Variants in SPAG9 observed in about 807,000 individuals in gnomAD.
SPAG9 encodes sperm associated antigen 9, also known as C-Jun-amino-terminal kinase-interacting protein 4.
A neutral mutation model predicts 166.5 loss-of-function variants in SPAG9; 35 were observed. The ratio of observed to expected loss-of-function variants is 0.21; its 90% confidence interval spans 0.16 to 0.28. The LOEUF (loss-of-function observed/expected upper bound fraction) is 0.28, where lower values mean the gene tolerates loss of function less well. SPAG9 is among the 10% of genes least tolerant of loss of function. The probability of loss-of-function intolerance (pLI) is 1.00; values close to 1 mark genes in which losing one functional copy is unlikely to be tolerated. For missense variants in SPAG9, 1,235 were observed against 1,603.3 expected (o/e 0.77, Z 3.92); for synonymous variants, 534 against 565.5 (o/e 0.94, Z 0.79).
At chr17:51,023,802 T>C (rs2046041199) in intron 6 of SPAG9, among the ~76,000 whole-genome samples, 1 of 152,102 alleles carries the variant, frequency 6.6e-6, no homozygotes, top group African/African-American at 2.4e-5. Context: ...GCACCTATGA[T>C]TACCGGCGTG....
intron 26 of SPAG9, 106 bp from the exon 27 acceptor site, chr17:50,977,327 G>C: frequency 1.4e-6 from 1 of 710,676 alleles, no homozygotes; most frequent in South Asian, 1.6e-5. Flanking sequence ...AAAAAAGAAA[G>C]AAAGTAGTAG....
chr17:50,990,562 T>C lies in SPAG9; in HGVS notation c.2505A>G (p.Thr835=). The change falls in exon 20 of 30, where the codon ACA becomes ACG. Residue 835 remains threonine (T), a synonymous_variant. Coordinates refer to ENST00000262013, the MANE Select transcript of SPAG9 (RefSeq NM_001130528.3). Reference sequence around the variant, plus strand: ...CTGTGATGCCTCCTAACAGGCTGTCTGTCTCTGCTGAGCTGTTGCTTGTCA... The same window carrying C: ...CTGTGATGCCTCCTAACAGGCTGTCCGTCTCTGCTGAGCTGTTGCTTGTCA... The part of the protein sequence containing the change: ...GSMTSNSSAE[T]DSLLGGITVV... 1 of 1,614,216 alleles carries C rather than the reference T, an allele frequency of 6.2e-7. No individual in the cohort carries two copies. The highest frequency in any genetic ancestry group is 1.6e-4 in the Middle Eastern group (1 of 6,062).
intron 15 of SPAG9, among the ~76,000 whole-genome samples, chr17:50,997,139 AAAACAAAC>A (rs71149334): frequency 0.24 from 36,351 of 151,840 alleles, 5,151 homozygotes; most frequent in Admixed American, 0.34. Flanking sequence ...TCCATCTCAA[AAAACAAAC>A]AAACAAACAA....
At chr17:50,971,489 A>G (rs573258675) in intron 28 of SPAG9, among the ~76,000 whole-genome samples, 93 of 85,278 alleles carry the variant, frequency 1.1e-3, no homozygotes, top group Middle Eastern at 0.028. Flanking sequence ...TTTTTTTGAG[A>G]TGGAGTCTTG....
chr17:51,044,641 A>G (rs1286631728), intron 4 of SPAG9, among the ~76,000 whole-genome samples: 2 of 152,158 alleles, frequency 1.3e-5, no homozygotes, highest in Non-Finnish European at 2.9e-5. Flanking sequence ...TAGATGACTT[A>G]TTTACATTAT....
chr17:50,998,022 ATTTTTTTTTTTTTTTT>A (rs563896612), intron 15 of SPAG9, among the ~76,000 whole-genome samples: 5 of 90,760 alleles, frequency 5.5e-5, no homozygotes, highest in East Asian at 6.2e-4. Context: ...TACAGAAATG[ATTTTTTTTTTTTTTTT>A]TTTTTTTTTT....
intron 25 of SPAG9, among the ~76,000 whole-genome samples, chr17:50,980,405 A>C (rs1974510395): frequency 6.6e-6 from 1 of 151,700 alleles, no homozygotes; most frequent in South Asian, 2.1e-4. Context: ...GGCTTTCATC[A>C]TGTTGGCCAG....
chr17:50,974,883 T>C lies in SPAG9; in HGVS notation c.3588A>G (p.Glu1196=). 6.2e-7 allele frequency: 1 copy of C among 1,613,436 alleles called. No individual in the cohort carries two copies. The highest frequency in any genetic ancestry group is 8.5e-7 in the Non-Finnish European group (1 of 1,179,876). The change falls in exon 28 of 30, where the codon GAA becomes GAG. Residue 1196 remains glutamate, a synonymous_variant. Transcript: ENST00000262013. The part of the protein sequence containing the change: ...PGSVIRVYGD[E]NSDKVTPGTF... ...TCCCTGGAGTCACTTTATCACTGTTTTCATCACCATATACACGGATTACAC... is the reference window on the plus strand; with the variant it reads ...TCCCTGGAGTCACTTTATCACTGTTCTCATCACCATATACACGGATTACAC...
intron 6 of SPAG9, among the ~76,000 whole-genome samples, chr17:51,024,502 G>C (rs2046074537): frequency 1.3e-5 from 2 of 152,042 alleles, no homozygotes; most frequent in South Asian, 4.1e-4. Flanking sequence ...GAGGCAGGCA[G>C]ATCACCTGAG....
chr17:51,005,991 T>C (rs1019726610), intron 11 of SPAG9, 94 bp downstream of exon 11: 1 of 1,419,096 alleles, frequency 7.0e-7, no homozygotes, highest in African/African-American at 1.4e-5. Context: ...CAGGCTTGAG[T>C]GGACAGAAGG....
chr17:50,980,357 A>C (rs1048069390), intron 25 of SPAG9, among the ~76,000 whole-genome samples: 1 of 151,712 alleles, frequency 6.6e-6, no homozygotes, highest in Non-Finnish European at 1.5e-5. Context: ...GGCGCACACC[A>C]CCATGCCGGA....
At chr17:51,112,856 T>G (rs1280271267) in intron 1 of SPAG9, among the ~76,000 whole-genome samples, 1 of 150,448 alleles carries the variant, frequency 6.6e-6, no homozygotes, top group African/African-American at 2.4e-5. Context: ...ATGCCTGTAG[T>G]CACAGCTGCT....
intron 3 of SPAG9, among the ~76,000 whole-genome samples, chr17:51,051,117 T>G (rs1209169957): frequency 6.6e-6 from 1 of 151,922 alleles, no homozygotes; most frequent in African/African-American, 2.4e-5. Flanking sequence ...TGTAGTGTGT[T>G]TTTTTGTTTT....
intron 3 of SPAG9, among the ~76,000 whole-genome samples, chr17:51,053,851 AAAAGTATATAT>A (rs1469328229): frequency 1.7e-4 from 11 of 65,424 alleles, no homozygotes; most frequent in South Asian, 4.5e-4. Flanking sequence ...AAAAAAAAAA[AAAAGTATATAT>A]ATATATATAT....
intron 1 of SPAG9, among the ~76,000 whole-genome samples, chr17:51,102,743 A>G (rs1472136310): frequency 6.6e-6 from 1 of 152,008 alleles, no homozygotes; most frequent in Non-Finnish European, 1.5e-5. Context: ...ACCTCAAATA[A>G]TCTGCCCAAC....
chr17:51,055,592 G>GA (rs145505862), intron 3 of SPAG9, among the ~76,000 whole-genome samples: 3,908 of 148,522 alleles, frequency 0.026, 172 homozygotes, highest in East Asian at 0.2. Flanking sequence ...AAACTAGGGA[G>GA]AAAAAAAAAC....
chr17:51,041,446 G>T, intron 5 of SPAG9, 55 bp downstream of exon 5: 7 of 1,533,228 alleles, frequency 4.6e-6, no homozygotes, highest in Non-Finnish European at 6.2e-6. Flanking sequence ...CTTCAATTAG[G>T]ATAAGAAAGT....
intron 22 of SPAG9, 121 bp from the exon 23 acceptor site, chr17:50,985,899 G>T: frequency 3.5e-6 from 2 of 568,750 alleles, no homozygotes. Flanking sequence ...TTTAGGAAAA[G>T]GTGCTGCTGC....
chr17:51,105,362 C>T (rs1598190857), intron 1 of SPAG9, among the ~76,000 whole-genome samples: 1 of 152,030 alleles, frequency 6.6e-6, no homozygotes, highest in South Asian at 2.1e-4. Context: ...ACTGCTGAGA[C>T]ATCAAGTATG....
Sources: allele counts gnomAD v4.1 joint callset (sites outside exome capture counted in the v4.1 genomes callset), GRCh38; gene constraint gnomAD v4.1.1; transcripts MANE v1.5; gene names NCBI Gene and HGNC (gene_info 2026-07-23, HGNC 2026-07-21).